The following MFSD8 variants were observed in gnomAD, a reference collection of about 807,000 sequenced individuals.
The protein encoded by MFSD8 is major facilitator superfamily domain-containing protein 8.
MFSD8 carries 55 observed loss-of-function variants against 66.4 expected under a neutral mutation model. The observed-to-expected ratio is 0.83, with a 90% CI of 0.67 to 1.04. The LOEUF (loss-of-function observed/expected upper bound fraction) is 1.04, where lower values mean the gene tolerates loss of function less well. MFSD8 is among the 50% of genes least tolerant of loss of function. The pLI, the probability that MFSD8 is intolerant of heterozygous loss-of-function variation, is 0.00. For synonymous variants in MFSD8, 202 were observed against 212.8 expected, an observed-to-expected ratio of 0.95 and a Z score of 0.44; for missense variants, 550 against 627.6, an observed-to-expected ratio of 0.88 and a Z score of 1.32.
chr4:127,939,287 T>A (rs1210364915), intron 6 of MFSD8: 1 of 155,700 alleles, frequency 6.4e-6, no homozygotes, highest in Non-Finnish European at 1.4e-5. Flanking sequence ...TTCCATGCCT[T>A]TCCCCTACTT....
intron 8 of MFSD8, among the ~76,000 whole-genome samples, chr4:127,931,501 G>A (rs908843917): frequency 1.3e-5 from 2 of 152,026 alleles, no homozygotes; most frequent in African/African-American, 2.4e-5. Flanking sequence ...GGGACTAAAG[G>A]CGCCTGCCAC....
chr4:127,931,890 C>T (rs117004654), intron 8 of MFSD8, among the ~76,000 whole-genome samples: 2 of 152,128 alleles, frequency 1.3e-5, no homozygotes, highest in African/African-American at 4.8e-5. Flanking sequence ...GAGCAAATCA[C>T]TTGAGCCCAG....
intron 7 of MFSD8, among the ~76,000 whole-genome samples, chr4:127,936,099 T>C (rs1338391566): frequency 6.6e-6 from 1 of 152,088 alleles, no homozygotes; most frequent in African/African-American, 2.4e-5. Context: ...CATGAAGTAT[T>C]TGGATTGTAT....
chr4:127,959,812 T>C (rs1376307392), intron 1 of MFSD8, among the ~76,000 whole-genome samples: 2 of 152,240 alleles, frequency 1.3e-5, no homozygotes, highest in Non-Finnish European at 2.9e-5. Flanking sequence ...TGAAAAAAAT[T>C]ATCTTTCTAC....
At chr4:127,933,666 T>C (rs1738545508) in intron 7 of MFSD8, 1 of 152,720 alleles carries the variant, frequency 6.5e-6, no homozygotes, top group Non-Finnish European at 1.5e-5. Flanking sequence ...ATGTATTTTG[T>C]ACTTGGTATA....
At chr4:127,922,493 T>C (rs1332001844) in intron 9 of MFSD8, among the ~76,000 whole-genome samples, 1 of 151,956 alleles carries the variant, frequency 6.6e-6, no homozygotes, top group East Asian at 1.9e-4. Flanking sequence ...GGAGTGGTAT[T>C]TGGTGCCTGT....
chr4:127,931,502 C>T (rs1401874976), intron 8 of MFSD8, among the ~76,000 whole-genome samples: 3 of 152,050 alleles, frequency 2.0e-5, no homozygotes, highest in Admixed American at 6.5e-5. Flanking sequence ...GGACTAAAGG[C>T]GCCTGCCACC....
rs749064799 is a variant in MFSD8 at position 127,920,843 on chromosome 4, G to A, written c.1351-7C>T. ...ACCAGCCCATGTATACACCCTGTTG[G>A]GGGTGAAATGGAGGACAAGCAGATT... is the stretch of plus-strand genomic sequence containing the variant. On this transcript the variant is annotated splice_region_variant and splice_polypyrimidine_tract_variant and intron_variant, in intron 11 of 11. Coordinates refer to ENST00000641686, the MANE Select transcript of MFSD8 (RefSeq NM_001371596.2). The A allele has an allele frequency of 1.9e-6, 3 of 1,612,644 alleles. No homozygotes were observed. The highest frequency in any genetic ancestry group is 3.3e-5 in the Admixed American group (2 of 59,712).
intron 9 of MFSD8, among the ~76,000 whole-genome samples, chr4:127,923,250 T>C (rs1405762016): frequency 6.6e-6 from 1 of 152,216 alleles, no homozygotes; most frequent in Non-Finnish European, 1.5e-5. Context: ...TTCAGTATGA[T>C]ACTGGCTGTG....
In MFSD8 at chr4:127,965,172, G is replaced by A; in HGVS notation, c.-39C>T. The A allele has an allele frequency of 6.2e-7, 1 of 1,612,110 alleles. No individual in the cohort carries two copies. The highest frequency in any genetic ancestry group is 2.2e-5 in the East Asian group (1 of 44,878). ...ACAAGGCGTCTTGCGCCCAACTCTC[G>A]CGACACCTGCTTTCTCCCATCCCGG... On this transcript the variant is annotated 5_prime_UTR_variant, in exon 1 of 12. Coordinates refer to ENST00000641686, the MANE Select transcript of MFSD8 (RefSeq NM_001371596.2).
At chr4:127,942,234 T>C (rs1362071839) in intron 4 of MFSD8, 76 bp from the exon 5 acceptor site, 1 of 1,140,758 alleles carries the variant, frequency 8.8e-7, no homozygotes, top group South Asian at 1.2e-5. Flanking sequence ...AATTTGACTT[T>C]ATACAGAAGA....
intron 9 of MFSD8, among the ~76,000 whole-genome samples, chr4:127,929,077 T>A (rs1737675434): frequency 1.3e-5 from 2 of 151,690 alleles, no homozygotes. Flanking sequence ...ATCCCAGCAC[T>A]TTGGGAGGCT....
At chr4:127,965,513 C>T (rs1265911578), upstream of MFSD8, 1 of 353,046 alleles carries the variant, frequency 2.8e-6, no homozygotes, top group Non-Finnish European at 5.4e-6. Flanking sequence ...GCGATTGGGG[C>T]TGGGACCAAA....
chr4:127,933,127 A>T, intron 7 of MFSD8, 34 bp from the exon 8 acceptor site: 1 of 1,493,782 alleles, frequency 6.7e-7, no homozygotes, highest in Non-Finnish European at 9.3e-7. Context: ...TACATTACCT[A>T]TACATCTAAT....
chr4:127,944,409 T>A lies in MFSD8; in HGVS notation c.199-417A>T, dbSNP rs183113687. On this transcript the variant is annotated intron_variant, in intron 3 of 11. Transcript: ENST00000641686. ...CATTAGCGCTGTAAATCATTTTTTT[T>A]AAAAAAACTAGGCACAAGAGTCAAA... Among the ~76,000 whole-genome samples, 40 of 152,212 alleles carry A rather than the reference T, an allele frequency of 2.6e-4. 1 individual carries two copies. In the East Asian group the frequency reaches 3.5e-3, roughly 13 times the overall value.
In MFSD8 at chr4:127,938,852, A is replaced by C; in HGVS notation, c.699-14T>G. The stretch of plus-strand genomic sequence containing the variant: ...ACACGATGTTCTCTTAAAAAGAAAA[A>C]CACAAATATTGTACCTATAAAATGC... On this transcript the variant is annotated splice_polypyrimidine_tract_variant and intron_variant, in intron 6 of 11. Transcript: ENST00000641686. 1.9e-6 allele frequency: 3 copies of C among 1,598,134 alleles called. No individual in the cohort carries two copies. Among genetic ancestry groups the C allele is most frequent in the Non-Finnish European group, 2.6e-6 (3 of 1,167,564 alleles).
chr4:127,927,173 TG>T (rs1445235479), intron 9 of MFSD8, among the ~76,000 whole-genome samples: 5 of 84,504 alleles, frequency 5.9e-5, no homozygotes, highest in African/African-American at 1.7e-4. Flanking sequence ...GTGTATTAAA[TG>T]TTTTTTTTTT....
At chr4:127,935,121 T>G (rs1223742878) in intron 7 of MFSD8, among the ~76,000 whole-genome samples, 3 of 152,198 alleles carry the variant, frequency 2.0e-5, no homozygotes, top group Non-Finnish European at 4.4e-5. Flanking sequence ...AACATAGCCT[T>G]ATGACCTTCC....
At chr4:127,960,711 GA>G (rs1398657003) in intron 1 of MFSD8, among the ~76,000 whole-genome samples, 5 of 151,994 alleles carry the variant, frequency 3.3e-5, no homozygotes, top group African/African-American at 7.3e-5. Flanking sequence ...AAAAAATTTT[GA>G]AATCATTTGT....
Sources: allele counts gnomAD v4.1 joint callset (sites outside exome capture counted in the v4.1 genomes callset), GRCh38; gene constraint gnomAD v4.1.1; transcripts MANE v1.5; gene names NCBI Gene and HGNC (gene_info 2026-07-23, HGNC 2026-07-21).